ANKS1A: variants seen among roughly 807,000 people sequenced by gnomAD.
The protein encoded by ANKS1A is ankyrin repeat and SAM domain-containing protein 1A.
In ANKS1A, 55 loss-of-function variants were observed where a neutral mutation model predicts 120.3. That is an observed-to-expected ratio of 0.46 (90% CI 0.37 to 0.57). ANKS1A has a LOEUF of 0.57. ANKS1A is among the 20% of genes least tolerant of loss of function. The pLI is 0.00. For synonymous variants in ANKS1A, 590 were observed against 604.7 expected, an observed-to-expected ratio of 0.98 and a Z score of 0.36; for missense variants, 1,123 against 1,480.3, an observed-to-expected ratio of 0.76 and a Z score of 3.96.
rs188872100 is a variant in ANKS1A, at chr6:35,050,263, G to T, written c.2011-3836G>T. Among the ~76,000 whole-genome samples the T allele has an allele frequency of 5.9e-5, 9 of 152,266 alleles. No individual in the cohort carries two copies. The highest frequency in any genetic ancestry group is 5.9e-4 in the Admixed American group (9 of 15,296). On this transcript the variant is annotated intron_variant, in intron 11 of 23. Coordinates refer to ENST00000360359, the MANE Select transcript of ANKS1A (RefSeq NM_015245.3). The surrounding 1 kb of genome is among the most constrained non-coding windows in gnomAD (Gnocchi z 4.3). ...AATGGAGTATTTCCAAGCATTTTTT[G>T]AAGACAAGAGTCCATTATGGTGATA...
intron 1 of ANKS1A, among the ~76,000 whole-genome samples, chr6:34,923,410 G>GT (rs1768540341): frequency 6.6e-6 from 1 of 152,218 alleles, no homozygotes; most frequent in South Asian, 2.1e-4. Context: ...CATGTCTAAA[G>GT]TCAACGGAAG....
chr6:35,097,822 A>C, the ANKS1A span, among the ~76,000 whole-genome samples: 1 of 152,168 alleles, frequency 6.6e-6, no homozygotes, highest in Non-Finnish European at 1.5e-5. Flanking sequence ...CAAACACTGA[A>C]GAGTTACCCC....
intron 20 of ANKS1A, 152 bp from the exon 21 acceptor site, chr6:35,083,969 C>T (rs1777823813): frequency 7.9e-7 from 1 of 1,267,020 alleles, no homozygotes; most frequent in Admixed American, 2.4e-5. Flanking sequence ...GGACCCCCAC[C>T]CCCACCAATA....
At chr6:34,988,672 G>A (rs535382934) in intron 8 of ANKS1A, among the ~76,000 whole-genome samples, 6 of 152,314 alleles carry the variant, frequency 3.9e-5, no homozygotes, top group South Asian at 2.1e-4. Context: ...AGGCAACCAA[G>A]GATAAGAGAA....
At chr6:34,906,978 G>A (rs1767677082) in intron 1 of ANKS1A, among the ~76,000 whole-genome samples, 1 of 152,210 alleles carries the variant, frequency 6.6e-6, no homozygotes, top group Non-Finnish European at 1.5e-5. Flanking sequence ...CCAGTGATAA[G>A]TCATGCTGAT....
chr6:34,983,417 A>C lies in ANKS1A; in HGVS notation c.1004A>C (p.Lys335Thr). 1 of 1,613,612 alleles carries C rather than the reference A, an allele frequency of 6.2e-7. No homozygotes were observed. Among genetic ancestry groups the C allele is most frequent in the Non-Finnish European group, 8.5e-7 (1 of 1,179,732 alleles). The change falls in exon 7 of 24, where the codon AAG becomes ACG. Residue 335 changes from lysine (K) to threonine (T), a missense_variant. Physicochemically the swap from Lys to Thr is moderately conservative, Grantham distance 78 (BLOSUM62 -1). Around this residue, in one of 3 missense-constraint regions of ANKS1A, gnomAD observed 904 missense variants for 1,130.4 expected, o/e 0.80. Transcript: ENST00000360359. ...TCCAGTATGGACTCCATATCACAGAAGTCTCAGGGTAAGGTAACTCTCCCC... is the reference window on the plus strand; with the variant it reads ...TCCAGTATGGACTCCATATCACAGACGTCTCAGGGTAAGGTAACTCTCCCC... ...LISSMDSISQKSQGDVEKAVT... is the reference protein window; with the variant it reads ...LISSMDSISQTSQGDVEKAVT...
At chr6:34,893,198 T>C (rs557692316) in intron 1 of ANKS1A, among the ~76,000 whole-genome samples, 6 of 152,360 alleles carry the variant, frequency 3.9e-5, no homozygotes, top group African/African-American at 1.2e-4. Context: ...CTTACCATAA[T>C]TCCTGGCATA....
chr6:34,930,761 C>G (rs992117784), intron 1 of ANKS1A, among the ~76,000 whole-genome samples: 1 of 152,124 alleles, frequency 6.6e-6, no homozygotes, highest in Non-Finnish European at 1.5e-5. Flanking sequence ...GTTTCTGTTA[C>G]CACAGCCACT....
At chr6:34,961,312 A>C (rs956222680) in intron 1 of ANKS1A, among the ~76,000 whole-genome samples, 3 of 152,126 alleles carry the variant, frequency 2.0e-5, no homozygotes, top group African/African-American at 7.2e-5. Context: ...ACTTGGGTGG[A>C]GGGGGATGTT....
chr6:35,025,268 A>G (rs1172165016), intron 11 of ANKS1A, among the ~76,000 whole-genome samples: 2 of 151,332 alleles, frequency 1.3e-5, no homozygotes, highest in Admixed American at 6.6e-5. Flanking sequence ...ACACACACAC[A>G]CACGCATATA....
intron 19 of ANKS1A, 72 bp downstream of exon 19, chr6:35,083,298 G>A: frequency 6.3e-7 from 1 of 1,599,916 alleles, no homozygotes; most frequent in Non-Finnish European, 8.6e-7. Context: ...GGCAGTAGCT[G>A]CAGTTGCCTG....
intron 1 of ANKS1A, among the ~76,000 whole-genome samples, chr6:34,929,952 T>TTCTCCAC (rs1768904366): frequency 6.6e-6 from 1 of 152,120 alleles, no homozygotes; most frequent in South Asian, 2.1e-4. Flanking sequence ...ATTTCCCCTA[T>TTCTCCAC]AGTCCTGGCT....
intron 1 of ANKS1A, among the ~76,000 whole-genome samples, chr6:34,894,277 TGTATAAGA>T (rs1766966476): frequency 6.6e-6 from 1 of 152,240 alleles, no homozygotes; most frequent in Admixed American, 6.5e-5. Context: ...AAGAAACTCC[TGTATAAGA>T]ATATTGTAAG....
chr6:35,035,016 A>G (rs530042993), intron 11 of ANKS1A, among the ~76,000 whole-genome samples: 2 of 152,250 alleles, frequency 1.3e-5, no homozygotes, highest in Admixed American at 6.5e-5. Context: ...GTAAGTGGCA[A>G]ATGTTGGCTT....
chr6:34,991,478 G>C (rs984674604), intron 9 of ANKS1A, among the ~76,000 whole-genome samples: 5 of 150,200 alleles, frequency 3.3e-5, no homozygotes, highest in Admixed American at 6.7e-5. Context: ...GGTGGTGACT[G>C]CTCATAGCTT....
rs1200777821 is a variant in ANKS1A at position 35,084,765 on chromosome 6, T to TC, written c.3132+508dup. On this transcript the variant is annotated intron_variant, in intron 21 of 23. Coordinates refer to ENST00000360359, the MANE Select transcript of ANKS1A (RefSeq NM_015245.3). This position sits in a 1 kb window ranked among gnomAD's most constrained non-coding sequence, Gnocchi z 4.8. ...TTCCCTCTTAGGGGCAGTGGTGCCC[T>TC]CTTTGGCAGATTTTCTTCCCTCAAA... Among the ~76,000 whole-genome samples the TC allele has an allele frequency of 6.6e-6, 1 of 152,188 alleles. No individual in the cohort carries two copies. Among genetic ancestry groups the TC allele is most frequent in the Non-Finnish European group, 1.5e-5 (1 of 68,022 alleles).
intron 11 of ANKS1A, among the ~76,000 whole-genome samples, chr6:35,027,868 G>A (rs1774707333): frequency 6.6e-6 from 1 of 152,208 alleles, no homozygotes; most frequent in South Asian, 2.1e-4. Context: ...TAGCTGCTGG[G>A]CAGGGCCAAG....
At chr6:35,078,408 G>T in intron 13 of ANKS1A, 150 bp from the exon 14 acceptor site, 1 of 679,700 alleles carries the variant, frequency 1.5e-6, no homozygotes, top group Non-Finnish European at 2.5e-6. Flanking sequence ...GGATGGACGT[G>T]GGCAGTCTGG....
intron 1 of ANKS1A, among the ~76,000 whole-genome samples, chr6:34,951,014 A>C (rs961381207): frequency 3.3e-5 from 5 of 152,214 alleles, no homozygotes; most frequent in African/African-American, 1.2e-4. Flanking sequence ...ATTTGTCTTC[A>C]AAGCTTGGTA....
Sources: allele counts gnomAD v4.1 joint callset (sites outside exome capture counted in the v4.1 genomes callset), GRCh38; gene constraint gnomAD v4.1.1; regional missense constraint gnomAD v4.1.1; non-coding constraint Gnocchi (gnomAD v3.1); transcripts MANE v1.5; gene names NCBI Gene and HGNC (gene_info 2026-07-23, HGNC 2026-07-21).